The following MEIS2 variants were observed in gnomAD, a reference collection of about 807,000 sequenced individuals.
The protein encoded by MEIS2 is homeobox protein Meis2.
A neutral mutation model predicts 58.6 loss-of-function variants in MEIS2; 9 were observed. That is an observed-to-expected ratio of 0.15 (90% confidence interval 0.09 to 0.27). The LOEUF is 0.27. MEIS2 is among the 10% of genes least tolerant of loss of function. The pLI is 1.00. For synonymous variants in MEIS2, 221 were observed against 228.4 expected (o/e 0.97, Z 0.29); for missense variants, 427 against 635.0 (o/e 0.67, Z 3.52).
At chr15:36,915,039 G>A (rs1311400781) in intron 9 of MEIS2, among the ~76,000 whole-genome samples, 2 of 152,118 alleles carry the variant, frequency 1.3e-5, no homozygotes, top group South Asian at 2.1e-4. Context: ...AGTATCCTGT[G>A]TATGTTCTTT....
chr15:37,027,590 G>T (rs1327744791), intron 8 of MEIS2, among the ~76,000 whole-genome samples: 2 of 151,858 alleles, frequency 1.3e-5, no homozygotes, highest in African/African-American at 2.4e-5. Flanking sequence ...TTTATTCAAG[G>T]GTCCTCAATT....
chr15:36,956,188 CAAAAAAAAAAAA>C (rs372946912), intron 8 of MEIS2, among the ~76,000 whole-genome samples: 5 of 56,654 alleles, frequency 8.8e-5, no homozygotes, highest in African/African-American at 1.5e-4. Flanking sequence ...AACTCCATCT[CAAAAAAAAAAAA>C]AAAAAAAAAA....
intron 8 of MEIS2, among the ~76,000 whole-genome samples, chr15:36,983,137 A>G (rs2059983527): frequency 6.6e-6 from 1 of 152,062 alleles, no homozygotes; most frequent in Non-Finnish European, 1.5e-5. Flanking sequence ...GCTATACAGA[A>G]CCTGTTTAGT....
chr15:36,960,269 T>A (rs1320511808), intron 8 of MEIS2, among the ~76,000 whole-genome samples: 2 of 152,038 alleles, frequency 1.3e-5, no homozygotes, highest in Non-Finnish European at 2.9e-5. Flanking sequence ...TCAAAAAGGT[T>A]ATTATCTCTA....
At chr15:37,055,696 G>T (rs547448680) in intron 7 of MEIS2, among the ~76,000 whole-genome samples, 5 of 152,268 alleles carry the variant, frequency 3.3e-5, no homozygotes, top group Non-Finnish European at 5.9e-5. Flanking sequence ...TCTCGCTAAG[G>T]TTCACTAAGT....
chr15:36,995,956 GATATATATATATATATATATATATATAT>G (rs539738718), intron 8 of MEIS2, among the ~76,000 whole-genome samples: 8 of 112,964 alleles, frequency 7.1e-5, no homozygotes, highest in African/African-American at 2.7e-4. Flanking sequence ...TCTAGTCTGA[GATATATATATATATATATATATATATAT>G]ATATATATAT....
At chr15:36,959,956 T>C (rs2059124843) in intron 8 of MEIS2, among the ~76,000 whole-genome samples, 1 of 152,070 alleles carries the variant, frequency 6.6e-6, no homozygotes, top group Admixed American at 6.6e-5. Flanking sequence ...CTTATGAGAC[T>C]GAGTTAGAAG....
chr15:36,991,783 C>CTTTTTTTTTTTTTTTTT (rs11285545), intron 8 of MEIS2, among the ~76,000 whole-genome samples: 7 of 51,036 alleles, frequency 1.4e-4, no homozygotes, highest in Non-Finnish European at 1.7e-4. Flanking sequence ...TTTTTTTTTT[C>CTTTTTTTTTTTTTTTTT]TTTTTTTTTT....
intron 7 of MEIS2, among the ~76,000 whole-genome samples, chr15:37,080,624 G>A (rs575183817): frequency 6.6e-6 from 1 of 152,174 alleles, no homozygotes; most frequent in Admixed American, 6.5e-5. Flanking sequence ...TTTTACTGAT[G>A]GGAAGCCAGA....
chr15:37,012,924 C>A (rs1302001748), intron 8 of MEIS2, among the ~76,000 whole-genome samples: 1 of 152,098 alleles, frequency 6.6e-6, no homozygotes, highest in East Asian at 1.9e-4. Flanking sequence ...TTACCTCCTG[C>A]AAATGCATAT....
chr15:36,963,816 G>C (rs1289657035), intron 8 of MEIS2, among the ~76,000 whole-genome samples: 1 of 152,190 alleles, frequency 6.6e-6, no homozygotes, highest in African/African-American at 2.4e-5. Flanking sequence ...CATTTGACTG[G>C]TTATGCTTTC....
chr15:37,099,297 A>C, intron 1 of MEIS2, 158 bp downstream of exon 1: 3 of 1,502,998 alleles, frequency 2.0e-6, no homozygotes, highest in Middle Eastern at 2.4e-4. Flanking sequence ...CACGGGAGGG[A>C]AAGAAGCCGA....
intron 7 of MEIS2, among the ~76,000 whole-genome samples, chr15:37,046,397 G>A (rs144195682): frequency 0.02 from 3,057 of 152,226 alleles, 48 homozygotes; most frequent in Non-Finnish European, 0.031. Context: ...GCAAATGTGC[G>A]TCCAGAGACA....
In MEIS2 at chr15:37,094,533, T is replaced by C. The variant is rs1221963329; in HGVS notation, c.483A>G (p.Leu161=). ...AGCGTTATTTCCTGCTTACCTTTTC[T>C]AACTCCAAAAGATGAAACCTTAGTA... The part of the protein sequence containing the change: ...IQVLRFHLLE[L]EKVHELCDNF... The change falls in exon 5 of 12, where the codon TTA becomes TTG. Residue 161 remains leucine, a synonymous_variant. Transcript: ENST00000561208. The C allele has an allele frequency of 2.5e-6, 4 of 1,613,066 alleles. No homozygotes were observed. In the African/African-American group the frequency reaches 5.3e-5, roughly 22 times the overall value.
intron 8 of MEIS2, among the ~76,000 whole-genome samples, chr15:36,962,901 T>A (rs2059234251): frequency 6.6e-6 from 1 of 152,238 alleles, no homozygotes; most frequent in African/African-American, 2.4e-5. Context: ...AGATACTATT[T>A]GTATGTATGT....
intron 8 of MEIS2, among the ~76,000 whole-genome samples, chr15:37,029,414 T>C (rs866633189): frequency 6.6e-6 from 1 of 152,158 alleles, no homozygotes; most frequent in Non-Finnish European, 1.5e-5. Context: ...CTCAGAATCA[T>C]GAAGGCCCTA....
At chr15:37,015,412 A>AT (rs961013163) in intron 8 of MEIS2, among the ~76,000 whole-genome samples, 26 of 151,964 alleles carry the variant, frequency 1.7e-4, no homozygotes, top group Admixed American at 1.4e-3. Context: ...AGATAATTAC[A>AT]TTTTTTTTCT....
At chr15:36,976,439 GCTT>G (rs1480727590) in intron 8 of MEIS2, among the ~76,000 whole-genome samples, 2 of 150,332 alleles carry the variant, frequency 1.3e-5, no homozygotes, top group Non-Finnish European at 1.5e-5. Flanking sequence ...GGTAAGAGTG[GCTT>G]CTTCTGGGCA....
chr15:37,072,581 A>C (rs559838094), intron 7 of MEIS2, among the ~76,000 whole-genome samples: 2 of 152,162 alleles, frequency 1.3e-5, no homozygotes, highest in Admixed American at 6.6e-5. Context: ...CATCACACTT[A>C]TGCGCCTTCG....
Sources: allele counts gnomAD v4.1 joint callset (sites outside exome capture counted in the v4.1 genomes callset), GRCh38; gene constraint gnomAD v4.1.1; transcripts MANE v1.5; gene names NCBI Gene and HGNC (gene_info 2026-07-23, HGNC 2026-07-21).